The following SNAPC5 variants were observed in gnomAD, a reference collection of about 807,000 sequenced individuals.
SNAPC5 encodes snRNA-activating protein complex subunit 5.
Under a neutral mutation model 9.1 loss-of-function variants are expected in SNAPC5, and 12 were observed. The observed-to-expected ratio is 1.32, with a 90% confidence interval of 0.85 to 2.15. The LOEUF is 2.15. Among genes scored for constraint, SNAPC5 ranks in the 30% most tolerant of loss-of-function variants. The probability of loss-of-function intolerance (pLI) is 0.00; values close to 1 mark genes in which losing one functional copy is unlikely to be tolerated. For synonymous variants in SNAPC5, 52 were observed against 47.3 expected, an observed-to-expected ratio of 1.10 and a Z score of -0.41; for missense variants, 132 against 114.4, an observed-to-expected ratio of 1.15 and a Z score of -0.70.
downstream of SNAPC5, chr15:66,490,286 A>C: frequency 1.5e-6 from 1 of 681,310 alleles, no homozygotes; most frequent in South Asian, 1.5e-5. Context: ...AGTAGGCTCC[A>C]AGAGGTGACT....
chr15:66,490,275 G>A (rs1266251119), downstream of SNAPC5: 19 of 669,384 alleles, frequency 2.8e-5, no homozygotes, highest in African/African-American at 1.1e-4. Context: ...CATACTGCAC[G>A]AGTAGGCTCC....
rs1317544073 is a variant in SNAPC5, at chr15:66,494,192, C to T, written c.*244G>A. On this transcript the variant is annotated 3_prime_UTR_variant, in exon 3 of 3. Coordinates refer to ENST00000316634, the MANE Select transcript of SNAPC5 (RefSeq NM_001329615.2). ...CAGTTAACTGAATCTGACCAGATTA[C>T]AGACAGCACCACCCATATTACTCAA... The T allele has an allele frequency of 2.7e-6, 1 of 371,398 alleles. No individual in the cohort carries two copies. The highest frequency in any genetic ancestry group is 4.6e-5 in the East Asian group (1 of 21,680). The allele number at this position is 371,398 out of a possible 1,614,324, so 23.0% of individuals were successfully genotyped here. A position where few individuals can be genotyped will look rare whatever the true frequency, so the allele number is the denominator to read the frequency against.
chr15:66,497,588 G>GA, intron 1 of SNAPC5, 54 bp downstream of exon 1: 1 of 1,518,944 alleles, frequency 6.6e-7, no homozygotes, highest in Non-Finnish European at 9.1e-7. Context: ...AGGTTGGGGG[G>GA]AAATGGTCGC....
In SNAPC5 at chr15:66,497,476, G is replaced by A. The variant is rs560806100; in HGVS notation, c.90+166C>T. 9.7e-5 allele frequency: 66 copies of A among 683,062 alleles called. No homozygotes were observed. In the Middle Eastern group the frequency reaches 2.7e-3, roughly 28 times the overall value. The allele number at this position is 683,062 out of a possible 1,614,324, so 42.3% of individuals were successfully genotyped here. A position where few individuals can be genotyped will look rare whatever the true frequency, so the allele number is the denominator to read the frequency against. ...TAAGAAGCGCACAGCAAACTCCCCAGGTGATTCAGATACCTGTTTGTTTGT... is the reference window on the plus strand; with the variant it reads ...TAAGAAGCGCACAGCAAACTCCCCAAGTGATTCAGATACCTGTTTGTTTGT... On this transcript the variant is annotated intron_variant, in intron 1 of 2. Transcript: ENST00000316634.
chr15:66,496,459 C>G (rs972770912), intron 1 of SNAPC5, among the ~76,000 whole-genome samples: 3 of 145,838 alleles, frequency 2.1e-5, no homozygotes, highest in Non-Finnish European at 3.0e-5. Context: ...GAGCGAAACT[C>G]TGTCTCAAAA....
downstream of SNAPC5, chr15:66,492,079 CCACTTA>C (rs1286086203): frequency 8.8e-6 from 4 of 456,258 alleles, no homozygotes; most frequent in African/African-American, 2.0e-5. Flanking sequence ...CCTTCTTTCA[CCACTTA>C]CACTTAACCA....
chr15:66,497,501 T>TAA, intron 1 of SNAPC5, 141 bp downstream of exon 1: 1 of 768,018 alleles, frequency 1.3e-6, no homozygotes, highest in South Asian at 1.4e-5. Flanking sequence ...TGTTTGTTTG[T>TAA]AAACCTCTAA....
chr15:66,497,113 T>C (rs2140705033), intron 1 of SNAPC5: 1 of 169,376 alleles, frequency 5.9e-6, no homozygotes, highest in Non-Finnish European at 1.3e-5. Context: ...ATGGCGTCAG[T>C]AACAAGAGCC....
In SNAPC5 at chr15:66,495,408, TA is replaced by T. The variant is rs761256162; in HGVS notation, c.101del (p.Leu34Ter). 6.3e-7 allele frequency: 1 copy of T among 1,597,890 alleles called. No homozygotes were observed. The highest frequency in any genetic ancestry group is 1.3e-5 in the African/African-American group (1 of 74,606). ...DQLNRLKVEE[L>X]ALQSMISSRR... ...TAGAACTGATCATTGATTGGAGGGC[TA>T]ATTCTTCAACCTAGAAAAGAAGAGT... On this transcript the variant is annotated frameshift_variant, in exon 2 of 3. Transcript: ENST00000316634. LOFTEE classifies it high-confidence loss of function.
intron 1 of SNAPC5, chr15:66,497,388 CCAAA>C (rs1367809069): frequency 1.7e-6 from 1 of 593,238 alleles, no homozygotes; most frequent in Non-Finnish European, 3.0e-6. Flanking sequence ...ACTGCACTTG[CCAAA>C]CACAGATCCC....
At position 66,493,880 on chromosome 15, in the gene SNAPC5, G is replaced by A. The variant is rs1265750453; in HGVS notation, c.*556C>T. ...CAGTGAGTGATGTCTCAAGTGAGAGGTGGTAACAGATACACAAAGCAGTTT... is the reference window on the plus strand; with the variant it reads ...CAGTGAGTGATGTCTCAAGTGAGAGATGGTAACAGATACACAAAGCAGTTT... On this transcript the variant is annotated 3_prime_UTR_variant, in exon 3 of 3. Coordinates refer to ENST00000316634, the MANE Select transcript of SNAPC5 (RefSeq NM_001329615.2). 1 of 152,328 alleles carries A rather than the reference G, an allele frequency of 6.6e-6. No homozygotes were observed. Among genetic ancestry groups the A allele is most frequent in the East Asian group, 1.9e-4 (1 of 5,204 alleles). The allele number at this position is 152,328 out of a possible 1,614,324, so 9.4% of individuals were successfully genotyped here.
chr15:66,494,337 G>C lies in SNAPC5; in HGVS notation c.*99C>G. ...ATAGTTCTTGCTTTCCTTTCAAGCAGATCACAGGGCCCAGGGCAAGATGAT... is the reference window on the plus strand; with the variant it reads ...ATAGTTCTTGCTTTCCTTTCAAGCACATCACAGGGCCCAGGGCAAGATGAT... On this transcript the variant is annotated 3_prime_UTR_variant, in exon 3 of 3. Transcript: ENST00000316634. 2.5e-6 allele frequency: 2 copies of C among 811,998 alleles called. No individual in the cohort carries two copies. Among genetic ancestry groups the C allele is most frequent in the South Asian group, 1.6e-5 (1 of 63,420 alleles). The allele number at this position is 811,998 out of a possible 1,614,324, so 50.3% of individuals were successfully genotyped here.
At chr15:66,495,126 C>A (rs1007698131) in intron 2 of SNAPC5, 1 of 581,946 alleles carries the variant, frequency 1.7e-6, no homozygotes, top group Non-Finnish European at 3.1e-6. Flanking sequence ...TTAGTAACTA[C>A]TTAATTAATT....
intron 1 of SNAPC5, 46 bp downstream of exon 1, chr15:66,497,596 C>T (rs779779947): frequency 1.3e-6 from 2 of 1,557,768 alleles, no homozygotes; most frequent in Non-Finnish European, 1.8e-6. Flanking sequence ...GGGAAATGGT[C>T]GCTCGGGAGG....
Position 66,497,714 on chromosome 15 carries a change from C to T in SNAPC5, c.18G>A (p.Gln6=). 1 of 1,613,240 alleles carries T rather than the reference C, an allele frequency of 6.2e-7. No individual in the cohort carries two copies. Among genetic ancestry groups the T allele is most frequent in the South Asian group, 1.1e-5 (1 of 91,024 alleles). MLSRL[Q]ELRKEEETLL... is the part of the protein sequence containing the mutation. ...GCGTCTCCTCCTCCTTGCGCAGTTC[C>T]TGAAGCCGGCTCAGCATGTTGCCTG... Residue 6 remains glutamine (Q), a synonymous_variant, in exon 1 of 3, where the codon CAG becomes CAA. Transcript: ENST00000316634.
At chr15:66,494,622 T>C (rs1055731215) in intron 2 of SNAPC5, 70 bp from the exon 3 acceptor site, 90 of 1,093,020 alleles carry the variant, frequency 8.2e-5, no homozygotes, top group Non-Finnish European at 1.2e-4. Flanking sequence ...TTCTTAAAAA[T>C]GACTTAAAAT....
At chr15:66,489,883 C>G (rs935148368), downstream of SNAPC5, 5 of 883,424 alleles carry the variant, frequency 5.7e-6, no homozygotes, top group African/African-American at 8.2e-5. Context: ...TCCAGCTGAG[C>G]CTGGGGCTGC....
At chr15:66,490,317 CTG>C, downstream of SNAPC5, 1 of 701,880 alleles carries the variant, frequency 1.4e-6, no homozygotes, top group South Asian at 1.5e-5. Flanking sequence ...CTCACAGCTG[CTG>C]TGACTGGTGG....
intron 2 of SNAPC5, 100 bp downstream of exon 2, chr15:66,495,230 G>T: frequency 1.2e-6 from 1 of 822,372 alleles, no homozygotes. Flanking sequence ...AGCCCTTTGG[G>T]CTAGGTAATG....
Sources: gnomAD v4.1 joint callset for allele counts (sites outside exome capture counted in the v4.1 genomes callset) on GRCh38, gnomAD v4.1.1 for gene constraint, MANE v1.5 for transcripts, NCBI Gene and HGNC (gene_info 2026-07-23, HGNC 2026-07-21) for gene names.